ASB3: variants seen among roughly 807,000 people sequenced by gnomAD.
The protein encoded by ASB3 is ankyrin repeat and SOCS box protein 3.
In ASB3, 41 loss-of-function variants were observed where a neutral mutation model predicts 54.5. The observed-to-expected ratio is 0.75, with a 90% CI of 0.59 to 0.98. The LOEUF is 0.98. Among genes scored for constraint, ASB3 ranks in the 50% least tolerant of loss-of-function variants. The pLI is 0.00. For missense variants in ASB3, 733 were observed against 620.0 expected, an observed-to-expected ratio of 1.18 and a Z score of -1.94; for synonymous variants, 266 against 221.2, an observed-to-expected ratio of 1.20 and a Z score of -1.80.
intron 7 of ASB3, among the ~76,000 whole-genome samples, chr2:53,704,359 C>CAAA (rs10547453): frequency 4.5e-5 from 5 of 110,568 alleles, no homozygotes; most frequent in South Asian, 5.5e-4. Context: ...GAGACTGTCT[C>CAAA]AAAAAAAAAA....
At chr2:53,751,040 T>C (rs1192471449) in intron 2 of ASB3, 99 bp from the exon 3 acceptor site, 2 of 1,309,634 alleles carry the variant, frequency 1.5e-6, no homozygotes, top group African/African-American at 3.0e-5. Flanking sequence ...ACTATTAAAA[T>C]GTAAGTAATG....
chr2:53,767,816 G>A, intron 1 of ASB3: 1 of 1,533,630 alleles, frequency 6.5e-7, no homozygotes, highest in Non-Finnish European at 8.8e-7. Context: ...TCGCTTACCG[G>A]AGGCTTCAGT....
chr2:53,762,466 A>G (rs989860563), intron 2 of ASB3, among the ~76,000 whole-genome samples: 2 of 152,190 alleles, frequency 1.3e-5, no homozygotes, highest in Non-Finnish European at 2.9e-5. Flanking sequence ...TTATTTGTCT[A>G]AGGAACTTCT....
intron 9 of ASB3, among the ~76,000 whole-genome samples, chr2:53,684,873 C>T (rs757362038): frequency 2.0e-5 from 3 of 152,086 alleles, no homozygotes; most frequent in African/African-American, 4.8e-5. Context: ...GGAAACATAA[C>T]GCTGAGGAGG....
At chr2:53,695,487 A>AT (rs555196787) in intron 8 of ASB3, among the ~76,000 whole-genome samples, 35 of 147,110 alleles carry the variant, frequency 2.4e-4, no homozygotes, top group Non-Finnish European at 2.9e-4. Context: ...CTGGTTCTTT[A>AT]TTTTTTTTTT....
At chr2:53,745,680 A>T (rs1672183494) in intron 3 of ASB3, among the ~76,000 whole-genome samples, 1 of 152,238 alleles carries the variant, frequency 6.6e-6, no homozygotes, top group South Asian at 2.1e-4. Context: ...AGCCTCTAGC[A>T]ATAGGCTAGT....
intron 9 of ASB3, among the ~76,000 whole-genome samples, chr2:53,676,011 A>G: frequency 6.6e-6 from 1 of 152,212 alleles, no homozygotes; most frequent in Non-Finnish European, 1.5e-5. Context: ...GGTAGGTTGC[A>G]TAGCTATTTA....
chr2:53,774,141 G>C, intron 1 of ASB3: 1 of 1,584,760 alleles, frequency 6.3e-7, no homozygotes. Context: ...TTTTTCAACA[G>C]GGATGTGTAT....
chr2:53,690,414 A>G (rs1288068502), intron 9 of ASB3, among the ~76,000 whole-genome samples: 1 of 152,188 alleles, frequency 6.6e-6, no homozygotes, highest in Non-Finnish European at 1.5e-5. Flanking sequence ...CCACACTGTA[A>G]TGACTACGTA....
chr2:53,784,340 C>G (rs1427788590), intron 1 of ASB3, among the ~76,000 whole-genome samples: 3 of 152,210 alleles, frequency 2.0e-5, no homozygotes, highest in Non-Finnish European at 4.4e-5. Context: ...CTGTCTGTGA[C>G]ACGTCCTTAA....
At position 53,670,005 on chromosome 2, in the gene ASB3, A is replaced by T. The variant is rs1473835463; in HGVS notation, c.*498T>A. The T allele has an allele frequency of 1.3e-5, 2 of 151,552 alleles. No homozygotes were observed. The highest frequency in any genetic ancestry group is 2.9e-5 in the Non-Finnish European group (2 of 67,982). The allele number at this position is 151,552 out of a possible 1,614,324, so 9.4% of individuals were successfully genotyped here. Reference sequence around the variant, plus strand: ...TAGGAAAACATGTTCTTTAATAAACATAAGAGATAGTCAAGTCTAAATAAA... The same window carrying T: ...TAGGAAAACATGTTCTTTAATAAACTTAAGAGATAGTCAAGTCTAAATAAA... On this transcript the variant is annotated 3_prime_UTR_variant, in exon 10 of 10. Transcript: ENST00000263634.
chr2:53,751,063 G>A (rs2104007193), intron 2 of ASB3, 122 bp from the exon 3 acceptor site: 1 of 1,177,782 alleles, frequency 8.5e-7, no homozygotes, highest in Non-Finnish European at 1.1e-6. Flanking sequence ...TAAATGACAG[G>A]TTTCACCATT....
At chr2:53,762,763 T>G (rs565290821) in intron 2 of ASB3, among the ~76,000 whole-genome samples, 1 of 152,286 alleles carries the variant, frequency 6.6e-6, no homozygotes, top group South Asian at 2.1e-4. Context: ...GCAAATTTGT[T>G]ATCTGTGCTA....
intron 7 of ASB3, among the ~76,000 whole-genome samples, chr2:53,711,979 C>T (rs1670124658): frequency 6.6e-6 from 1 of 152,158 alleles, no homozygotes; most frequent in South Asian, 2.1e-4. Flanking sequence ...TTAAGAACTT[C>T]TTAGCATCAC....
rs193294207 is a variant in ASB3 at position 53,673,690 on chromosome 2, T to C, written c.1370-3000A>G. On this transcript the variant is annotated intron_variant, in intron 9 of 9. Coordinates refer to ENST00000263634, the MANE Select transcript of ASB3 (RefSeq NM_016115.5). ...ACTCCCAGTCCAGGGTTCTTTAAAC[T>C]ATGATAAGCTCAATATAATTCTCCA... 2.4e-3 allele frequency among the ~76,000 whole-genome samples: 359 copies of C among 152,342 alleles called. 2 individuals carry two copies. Among genetic ancestry groups the C allele is most frequent in the Admixed American group, 7.5e-3 (114 of 15,290 alleles).
chr2:53,786,231 A>C (rs1181433515), intron 1 of ASB3: 1 of 152,232 alleles, frequency 6.6e-6, no homozygotes, highest in Non-Finnish European at 1.5e-5. Context: ...GACGTGACTT[A>C]GTTCATAAAC....
At chr2:53,700,630 G>C (rs1236555543) in intron 7 of ASB3, 102 bp from the exon 8 acceptor site, 2 of 1,432,454 alleles carry the variant, frequency 1.4e-6, no homozygotes, top group Non-Finnish European at 9.2e-7. Flanking sequence ...GAATAAGTAT[G>C]GCAGATTAAA....
chr2:53,772,119 T>C (rs964735573), intron 1 of ASB3, among the ~76,000 whole-genome samples: 5 of 152,118 alleles, frequency 3.3e-5, no homozygotes, highest in African/African-American at 1.2e-4. Flanking sequence ...TAAGAAAAGT[T>C]AGAATGCAGA....
chr2:53,704,585 C>A (rs1669669725), intron 7 of ASB3, among the ~76,000 whole-genome samples: 1 of 151,798 alleles, frequency 6.6e-6, no homozygotes, highest in Admixed American at 6.6e-5. Flanking sequence ...GTTATATGAC[C>A]CTCTTGACAT....
Sources: allele counts gnomAD v4.1 joint callset (sites outside exome capture counted in the v4.1 genomes callset), GRCh38; gene constraint gnomAD v4.1.1; transcripts MANE v1.5; gene names NCBI Gene and HGNC (gene_info 2026-07-23, HGNC 2026-07-21).